Variants in CAMK2D observed in about 807,000 individuals in gnomAD.
CAMK2D encodes calcium/calmodulin-dependent protein kinase type II subunit delta.
Under a neutral mutation model 84.0 loss-of-function variants are expected in CAMK2D, and 37 were observed. The observed-to-expected ratio is 0.44, with a 90% CI of 0.34 to 0.58. CAMK2D has a LOEUF of 0.58. CAMK2D is among the 20% of genes least tolerant of loss of function. The pLI, the probability that CAMK2D is intolerant of heterozygous loss-of-function variation, is 0.02. For synonymous variants in CAMK2D, 202 were observed against 212.5 expected, an observed-to-expected ratio of 0.95 and a Z score of 0.43; for missense variants, 448 against 652.5, an observed-to-expected ratio of 0.69 and a Z score of 3.41.
At chr4:113,473,920 C>T (rs2097574880) in intron 16 of CAMK2D, among the ~76,000 whole-genome samples, 1 of 151,274 alleles carries the variant, frequency 6.6e-6, no homozygotes, top group African/African-American at 2.4e-5. Flanking sequence ...TTACCTTTGA[C>T]CGGAAATGGA....
At chr4:113,574,731 A>T (rs958626957) in intron 4 of CAMK2D, among the ~76,000 whole-genome samples, 2 of 152,244 alleles carry the variant, frequency 1.3e-5, no homozygotes, top group Non-Finnish European at 2.9e-5. Context: ...GATCTTATTG[A>T]GAACAACATT....
intron 3 of CAMK2D, among the ~76,000 whole-genome samples, chr4:113,630,562 A>G (rs2099085522): frequency 6.6e-6 from 1 of 152,230 alleles, no homozygotes; most frequent in South Asian, 2.1e-4. Context: ...AGCCTGATGG[A>G]AAAACAGCTG....
chr4:113,499,427 C>T (rs981948185), intron 16 of CAMK2D, among the ~76,000 whole-genome samples: 7 of 152,322 alleles, frequency 4.6e-5, no homozygotes, highest in Admixed American at 3.9e-4. Context: ...GCAGAGCTGA[C>T]TGCCAAGTTG....
At position 113,517,674 on chromosome 4, in the gene CAMK2D, T is replaced by G; in HGVS notation, c.602-17A>C. The G allele has an allele frequency of 8.4e-7, 1 of 1,195,394 alleles. No individual in the cohort carries two copies. Among genetic ancestry groups the G allele is most frequent in the Non-Finnish European group, 1.2e-6 (1 of 803,386 alleles). 74.0% of individuals were successfully genotyped at this position (1,195,394 alleles called of 1,614,324 possible). ...GAATGACACCTGGAGGAGAATATAATGTTAACACAATTTAAGTCATATAGA... is the reference window on the plus strand; with the variant it reads ...GAATGACACCTGGAGGAGAATATAAGGTTAACACAATTTAAGTCATATAGA... On this transcript the variant is annotated splice_polypyrimidine_tract_variant and intron_variant, in intron 8 of 20. Coordinates refer to ENST00000511664, the MANE Select transcript of CAMK2D (RefSeq NM_001321571.2).
chr4:113,679,477 C>A (rs2099331863), intron 2 of CAMK2D: 7 of 969,446 alleles, frequency 7.2e-6, no homozygotes, highest in Non-Finnish European at 8.6e-6. Context: ...ACATATTCTC[C>A]AGTCTCTGCT....
At chr4:113,584,414 T>C (rs893042076) in intron 4 of CAMK2D, among the ~76,000 whole-genome samples, 2 of 152,176 alleles carry the variant, frequency 1.3e-5, no homozygotes, top group Admixed American at 6.5e-5. Context: ...TTCACCCCGA[T>C]GATGAGGAGA....
At position 113,554,939 on chromosome 4, in the gene CAMK2D, C is replaced by T. The variant is rs149876922; in HGVS notation, c.276-2843G>A. ...ATTACCATTTATGAAATCTCCAGAACATTAGGGCTCACAAGGAAAAAAAAA... is the reference window on the plus strand; with the variant it reads ...ATTACCATTTATGAAATCTCCAGAATATTAGGGCTCACAAGGAAAAAAAAA... On this transcript the variant is annotated intron_variant, in intron 4 of 20. Coordinates refer to ENST00000511664, the MANE Select transcript of CAMK2D (RefSeq NM_001321571.2). Among the ~76,000 whole-genome samples the T allele has an allele frequency of 1.3e-3, 201 of 150,226 alleles. 1 individual carries two copies. The highest frequency in any genetic ancestry group is 4.8e-3 in the African/African-American group (197 of 40,730).
At chr4:113,670,324 A>AAAG (rs1561728513) in intron 2 of CAMK2D, among the ~76,000 whole-genome samples, 1 of 147,250 alleles carries the variant, frequency 6.8e-6, no homozygotes, top group African/African-American at 2.6e-5. Flanking sequence ...AATAAATAAA[A>AAAG]AACTATGATG....
At chr4:113,717,713 G>A (rs1160243399) in intron 2 of CAMK2D, among the ~76,000 whole-genome samples, 1 of 152,070 alleles carries the variant, frequency 6.6e-6, no homozygotes, top group African/African-American at 2.4e-5. Context: ...ACTGGAGAGA[G>A]AATTGTTCGT....
At chr4:113,559,709 G>A (rs1025269348) in intron 4 of CAMK2D, among the ~76,000 whole-genome samples, 2 of 152,200 alleles carry the variant, frequency 1.3e-5, no homozygotes, top group African/African-American at 2.4e-5. Context: ...GGATGAAATC[G>A]TTTCTGTGTA....
chr4:113,730,130 T>TA lies in CAMK2D; in HGVS notation c.160+29189dup, dbSNP rs146091884. Among the ~76,000 whole-genome samples the TA allele has an allele frequency of 0.015, 2,254 of 152,328 alleles. 93 individuals carry two copies. The East Asian group carries it at 0.15, about 10-fold the overall frequency. On this transcript the variant is annotated intron_variant, in intron 2 of 20. Coordinates refer to ENST00000511664, the MANE Select transcript of CAMK2D (RefSeq NM_001321571.2). ...TTGTTCACCTGGTATCCTCAGTTCC[T>TA]AAAAAACAGTAAGTGTTCAACAAAG...
At chr4:113,709,613 T>C (rs1051866558) in intron 2 of CAMK2D, among the ~76,000 whole-genome samples, 75 of 148,752 alleles carry the variant, frequency 5.0e-4, no homozygotes, top group Non-Finnish European at 9.5e-4. Flanking sequence ...CAAATTCCTA[T>C]GTCCCTGGTT....
At chr4:113,714,997 G>A (rs967527165) in intron 2 of CAMK2D, among the ~76,000 whole-genome samples, 1 of 151,976 alleles carries the variant, frequency 6.6e-6, no homozygotes, top group Admixed American at 6.6e-5. Flanking sequence ...TAAACATACT[G>A]ACTCTTACCC....
chr4:113,650,766 C>T (rs1414469997), intron 3 of CAMK2D, among the ~76,000 whole-genome samples: 1 of 152,090 alleles, frequency 6.6e-6, no homozygotes, highest in Non-Finnish European at 1.5e-5. Flanking sequence ...GCAAAACTGC[C>T]TATGCCTATG....
At chr4:113,517,541 G>T in intron 9 of CAMK2D, 22 bp downstream of exon 9, 1 of 1,137,522 alleles carries the variant, frequency 8.8e-7, no homozygotes, top group Non-Finnish European at 1.3e-6. Context: ...CATCTAAAGT[G>T]ATATAAATAG....
intron 5 of CAMK2D, among the ~76,000 whole-genome samples, chr4:113,551,484 G>A (rs1483690725): frequency 6.6e-6 from 1 of 151,940 alleles, no homozygotes; most frequent in Non-Finnish European, 1.5e-5. Context: ...GGCTGTTTCT[G>A]TTTTCTGATT....
At chr4:113,540,144 C>T (rs1314660318) in intron 6 of CAMK2D, among the ~76,000 whole-genome samples, 1 of 152,102 alleles carries the variant, frequency 6.6e-6, no homozygotes. Flanking sequence ...AGGGCAAGCA[C>T]ATTTATTCTA....
chr4:113,738,720 A>T (rs2148889404), intron 2 of CAMK2D, among the ~76,000 whole-genome samples: 1 of 152,254 alleles, frequency 6.6e-6, no homozygotes, highest in South Asian at 2.1e-4. Flanking sequence ...CCATTCAAAT[A>T]TCAAGGGAAA....
At chr4:113,738,942 G>T (rs1315719229) in intron 2 of CAMK2D, among the ~76,000 whole-genome samples, 1 of 151,990 alleles carries the variant, frequency 6.6e-6, no homozygotes, top group Admixed American at 6.6e-5. Flanking sequence ...TCCCAAAAAT[G>T]GGTTTTTGAT....
Sources: allele counts gnomAD v4.1 joint callset (sites outside exome capture counted in the v4.1 genomes callset), GRCh38; gene constraint gnomAD v4.1.1; transcripts MANE v1.5; gene names NCBI Gene and HGNC (gene_info 2026-07-23, HGNC 2026-07-21).